The following RAPGEF2 variants were observed in gnomAD, a reference collection of about 807,000 sequenced individuals.
The protein encoded by RAPGEF2 is Rap guanine nucleotide exchange factor 2.
RAPGEF2 carries 54 observed loss-of-function variants against 186.7 expected under a neutral mutation model. That is an observed-to-expected ratio of 0.29 (90% CI 0.23 to 0.36). The LOEUF (loss-of-function observed/expected upper bound fraction) is 0.36, where lower values mean the gene tolerates loss of function less well. RAPGEF2 is among the 10% of genes least tolerant of loss of function. RAPGEF2 has a pLI of 1.00. For missense variants in RAPGEF2, 1,532 were observed against 2,045.0 expected, an observed-to-expected ratio of 0.75 and a Z score of 4.84; for synonymous variants, 712 against 705.9, an observed-to-expected ratio of 1.01 and a Z score of -0.14.
At chr4:159,208,478 A>G (rs1579467058) in intron 3 of RAPGEF2, among the ~76,000 whole-genome samples, 1 of 152,100 alleles carries the variant, frequency 6.6e-6, no homozygotes, top group South Asian at 2.1e-4. Flanking sequence ...GATGTGGTGG[A>G]TGAGATTTGG....
At chr4:159,300,789 A>T (rs753621842) in intron 7 of RAPGEF2, among the ~76,000 whole-genome samples, 1 of 152,136 alleles carries the variant, frequency 6.6e-6, no homozygotes, top group Non-Finnish European at 1.5e-5. Flanking sequence ...AGAGTAAGGG[A>T]TGCTTGCTGT....
intron 7 of RAPGEF2, among the ~76,000 whole-genome samples, chr4:159,252,843 T>G (rs973726683): frequency 6.6e-6 from 1 of 152,234 alleles, no homozygotes; most frequent in African/African-American, 2.4e-5. Flanking sequence ...TGAGCTTTTG[T>G]TTATTATTTA....
At chr4:159,180,730 C>T (rs1204123163) in intron 1 of RAPGEF2, among the ~76,000 whole-genome samples, 1 of 152,054 alleles carries the variant, frequency 6.6e-6, no homozygotes. Flanking sequence ...GAAAGTACCC[C>T]CTAAAAATCA....
chr4:159,342,553 A>ATTATTTTATTTTATT lies in RAPGEF2; in HGVS notation c.2919-375_2919-361dup, dbSNP rs1159754910. ...TTTATTTTATTTTATTTTATTTTATATTATTTTATTTTATTTTATTTTATT... is the reference window on the plus strand; with the variant it reads ...TTTATTTTATTTTATTTTATTTTATATTATTTTATTTTATTTTATTTTATTTTATTTTATTTTATT... On this transcript the variant is annotated intron_variant, in intron 20 of 29. Transcript: ENST00000691494. Among the ~76,000 whole-genome samples, 114 of 71,962 alleles carry ATTATTTTATTTTATT rather than the reference A, an allele frequency of 1.6e-3. 2 individuals carry two copies. Among genetic ancestry groups the ATTATTTTATTTTATT allele is most frequent in the Middle Eastern group, 0.014 (2 of 146 alleles). The allele number at this position is 71,962 out of a possible 152,430, so 47.2% of individuals were successfully genotyped here. A position where few individuals can be genotyped will look rare whatever the true frequency, so the allele number is the denominator to read the frequency against.
intron 7 of RAPGEF2, among the ~76,000 whole-genome samples, chr4:159,248,015 G>A (rs1264276062): frequency 6.6e-6 from 1 of 151,994 alleles, no homozygotes; most frequent in African/African-American, 2.4e-5. Flanking sequence ...ACCCGCCTTG[G>A]CCTCCTAAAG....
In RAPGEF2 at chr4:159,345,138, T is replaced by C. The variant is rs1730102258; in HGVS notation, c.3311T>C (p.Val1104Ala). 4 of 1,613,986 alleles carry C rather than the reference T, an allele frequency of 2.5e-6. No individual in the cohort carries two copies. In the African/African-American group the frequency reaches 5.3e-5, roughly 22 times the overall value. The change falls in exon 24 of 30, where the codon GTG becomes GCG. Residue 1104 changes from valine (V) to alanine (A), a missense_variant. Physicochemically the swap from Val to Ala is moderately conservative, Grantham distance 64 (BLOSUM62 0). This residue lies in a region of RAPGEF2 where 117 missense variants were observed against 180.8 expected (regional missense o/e 0.65). Coordinates refer to ENST00000691494, the MANE Select transcript of RAPGEF2 (RefSeq NM_001394067.2). Reference protein sequence around the residue: ...SLSQGSTNATVLDVAQTGGHK... With the variant: ...SLSQGSTNATALDVAQTGGHK... ...AGCCAGGGTAGTACAAATGCAACAG[T>C]GCTAGATGTTGCTCAGACAGGTGGT... is the stretch of plus-strand genomic sequence containing the variant.
Position 159,241,242 on chromosome 4 carries a change from A to C in RAPGEF2, c.399A>C (p.Gln133His). 6.5e-7 allele frequency: 1 copy of C among 1,532,268 alleles called. No homozygotes were observed. The highest frequency in any genetic ancestry group is 1.4e-5 in the African/African-American group (1 of 73,030). 94.9% of individuals were successfully genotyped at this position (1,532,268 alleles called of 1,614,324 possible). A position where few individuals can be genotyped will look rare whatever the true frequency, so the allele number is the denominator to read the frequency against. Residue 133 changes from glutamine to histidine, a missense_variant, in exon 6 of 30, where the codon CAA becomes CAC. Gln to His is a conservative substitution (Grantham distance 24). Coordinates refer to ENST00000691494, the MANE Select transcript of RAPGEF2 (RefSeq NM_001394067.2). ...AAAATGAAGAATATTTTCAGCGGCA[A>C]GCTTCCCATAGACAGTCTCGAAGGA... ...MDENEEYFQR[Q>H]ASHRQSRRRF...
intron 3 of RAPGEF2, among the ~76,000 whole-genome samples, chr4:159,195,379 G>A (rs751003130): frequency 9.9e-5 from 15 of 152,164 alleles, no homozygotes; most frequent in Non-Finnish European, 2.1e-4. Flanking sequence ...CTAGTATTTT[G>A]TCTTCCTCTG....
At chr4:159,256,155 C>T (rs538293810) in intron 7 of RAPGEF2, among the ~76,000 whole-genome samples, 5 of 152,140 alleles carry the variant, frequency 3.3e-5, no homozygotes, top group East Asian at 1.9e-4. Flanking sequence ...GGTGGTTTGC[C>T]GTACCTGTCA....
intron 1 of RAPGEF2, among the ~76,000 whole-genome samples, chr4:159,164,710 A>G (rs1561031763): frequency 6.6e-6 from 1 of 152,144 alleles, no homozygotes; most frequent in Non-Finnish European, 1.5e-5. Context: ...ATGGCTTGAA[A>G]CAGTAAGCTT....
chr4:159,131,538 T>TTTTTTTTTTTTTTTTTTTG (rs1741103353), intron 1 of RAPGEF2, among the ~76,000 whole-genome samples: 1 of 149,676 alleles, frequency 6.7e-6, no homozygotes, highest in Non-Finnish European at 1.5e-5. Flanking sequence ...TTTTTTTTTT[T>TTTTTTTTTTTTTTTTTTTG]TTTTTTTTAG....
chr4:159,350,106 C>A, intron 25 of RAPGEF2, 31 bp from the exon 26 acceptor site: 1 of 1,393,684 alleles, frequency 7.2e-7, no homozygotes, highest in Non-Finnish European at 9.6e-7. Flanking sequence ...CTTGAAAATA[C>A]ATATTTAAGG....
chr4:159,359,305 C>T lies in RAPGEF2; in HGVS notation c.*1166C>T, dbSNP rs975534129. 1 of 152,098 alleles carries T rather than the reference C, an allele frequency of 6.6e-6. No individual in the cohort carries two copies. Among genetic ancestry groups the T allele is most frequent in the Non-Finnish European group, 1.5e-5 (1 of 68,020 alleles). 9.4% of individuals were successfully genotyped at this position (152,098 alleles called of 1,614,324 possible). ...ATTAGGGAATAAACAAGCCTTTAAA[C>T]GTGATAAAAGATCAAAAACCTGGTT... is the stretch of plus-strand genomic sequence containing the variant. On this transcript the variant is annotated 3_prime_UTR_variant, in exon 30 of 30. Transcript: ENST00000691494.
chr4:159,147,757 A>G (rs1008129165), intron 1 of RAPGEF2, among the ~76,000 whole-genome samples: 14 of 152,326 alleles, frequency 9.2e-5, no homozygotes, highest in South Asian at 6.2e-4. Context: ...AAAGATTCCA[A>G]TTGTTGCTTT....
intron 4 of RAPGEF2, among the ~76,000 whole-genome samples, chr4:159,233,068 G>T (rs1209169809): frequency 6.6e-6 from 1 of 152,134 alleles, no homozygotes; most frequent in Admixed American, 6.6e-5. Context: ...ATCTTTATCA[G>T]ATATGTGATT....
At chr4:159,110,531 T>C (rs1226804948) in intron 1 of RAPGEF2, among the ~76,000 whole-genome samples, 1 of 152,176 alleles carries the variant, frequency 6.6e-6, no homozygotes, top group African/African-American at 2.4e-5. Flanking sequence ...TGAGCCGAGA[T>C]TGTGCCATTG....
intron 24 of RAPGEF2, 54 bp downstream of exon 24, chr4:159,345,383 C>T: frequency 6.5e-7 from 1 of 1,541,820 alleles, no homozygotes; most frequent in Non-Finnish European, 8.9e-7. Context: ...AGATTTGTTT[C>T]CTGTGCAGTG....
chr4:159,142,720 T>A (rs185886288), intron 1 of RAPGEF2, among the ~76,000 whole-genome samples: 1,578 of 152,322 alleles, frequency 0.01, 28 homozygotes, highest in African/African-American at 0.035. Context: ...AATGGTTTTT[T>A]AAAAAATCTT....
At chr4:159,227,556 C>CAGCA (rs1752172478) in intron 4 of RAPGEF2, among the ~76,000 whole-genome samples, 1 of 152,210 alleles carries the variant, frequency 6.6e-6, no homozygotes, top group Non-Finnish European at 1.5e-5. Flanking sequence ...GCACTGTGAT[C>CAGCA]AGCAGAGACC....
Sources: allele counts gnomAD v4.1 joint callset (sites outside exome capture counted in the v4.1 genomes callset), GRCh38; gene constraint gnomAD v4.1.1; regional missense constraint gnomAD v4.1.1; transcripts MANE v1.5; gene names NCBI Gene and HGNC (gene_info 2026-07-23, HGNC 2026-07-21).